The following THSD7B variants were observed in gnomAD, a reference collection of about 807,000 sequenced individuals.
THSD7B encodes thrombospondin type 1 domain containing 7B, also known as thrombospondin type-1 domain-containing protein 7B.
A neutral mutation model predicts 213.6 loss-of-function variants in THSD7B; 138 were observed. The observed-to-expected ratio is 0.65, with a 90% CI of 0.56 to 0.74. The LOEUF is 0.74. Among genes scored for constraint, THSD7B ranks in the 30% least tolerant of loss-of-function variants. The probability of loss-of-function intolerance (pLI) is 0.00; values close to 1 mark genes in which losing one functional copy is unlikely to be tolerated. For synonymous variants in THSD7B, 742 were observed against 687.0 expected, an observed-to-expected ratio of 1.08 and a Z score of -1.25; for missense variants, 1,931 against 1,991.5, an observed-to-expected ratio of 0.97 and a Z score of 0.58.
At chr2:137,161,841 G>A (rs969789564) in intron 6 of THSD7B, among the ~76,000 whole-genome samples, 3 of 152,160 alleles carry the variant, frequency 2.0e-5, no homozygotes, top group Non-Finnish European at 4.4e-5. Context: ...TCTTCAGGGT[G>A]ATTTACATAT....
rs1429277540 is a variant in THSD7B, at chr2:137,546,403, AT to A, written c.3139-16816del. On this transcript the variant is annotated intron_variant, in intron 15 of 27. Coordinates refer to ENST00000409968, the MANE Select transcript of THSD7B (RefSeq NM_001316349.2). The stretch of plus-strand genomic sequence containing the variant: ...TATATATATTATATATATTATATAT[AT>A]TATATATATATTATATATATTATAT... Among the ~76,000 whole-genome samples, 113 of 42,806 alleles carry A rather than the reference AT, an allele frequency of 2.6e-3. 11 individuals carry two copies. The highest frequency in any genetic ancestry group is 8.9e-3 in the Middle Eastern group (1 of 112). 28.1% of individuals were successfully genotyped at this position (42,806 alleles called of 152,430 possible).
intron 5 of THSD7B, among the ~76,000 whole-genome samples, chr2:137,120,454 A>C (rs186684132): frequency 6.6e-6 from 1 of 151,300 alleles, no homozygotes; most frequent in Admixed American, 6.6e-5. Flanking sequence ...GGAGGAGGAA[A>C]GATGAAGGAG....
chr2:137,550,228 A>T (rs1680819466), intron 15 of THSD7B, among the ~76,000 whole-genome samples: 2 of 146,938 alleles, frequency 1.4e-5, no homozygotes, highest in Admixed American at 6.8e-5. Context: ...CAGTCCTGTT[A>T]AAAAAAAAAA....
chr2:137,106,126 C>T lies in THSD7B; in HGVS notation c.1200-8998C>T, dbSNP rs1226964623. 7.2e-5 allele frequency among the ~76,000 whole-genome samples: 11 copies of T among 152,240 alleles called. No homozygotes were observed. The South Asian group carries it at 8.3e-4, about 11-fold the overall frequency. On this transcript the variant is annotated intron_variant, in intron 4 of 27. Coordinates refer to ENST00000409968, the MANE Select transcript of THSD7B (RefSeq NM_001316349.2). ...AAAAGGAACAAAGCTGGAGGAATCA[C>T]GCTACCTGACTTCAAACTATACTAC...
chr2:137,232,712 A>C (rs986766335), intron 8 of THSD7B, among the ~76,000 whole-genome samples, 187 bp from the exon 9 acceptor site: 4 of 152,162 alleles, frequency 2.6e-5, no homozygotes, highest in African/African-American at 9.7e-5. Flanking sequence ...AGGAGTGTAC[A>C]ATATTTTCCT....
intron 2 of THSD7B, among the ~76,000 whole-genome samples, chr2:136,893,057 A>G (rs1683892578): frequency 6.6e-6 from 1 of 152,122 alleles, no homozygotes; most frequent in African/African-American, 2.4e-5. Flanking sequence ...AATTATACCT[A>G]TGTCATGTCT....
At chr2:137,611,655 C>T (rs145724601) in intron 17 of THSD7B, among the ~76,000 whole-genome samples, 18 of 152,102 alleles carry the variant, frequency 1.2e-4, no homozygotes, top group African/African-American at 3.9e-4. Flanking sequence ...AAAAAACAAA[C>T]AAACAAAAAA....
intron 15 of THSD7B, among the ~76,000 whole-genome samples, chr2:137,542,840 G>A (rs1285483019): frequency 6.6e-6 from 1 of 151,740 alleles, no homozygotes; most frequent in Non-Finnish European, 1.5e-5. Context: ...CAATAGAAGT[G>A]AGAGCCTGAA....
intron 7 of THSD7B, among the ~76,000 whole-genome samples, chr2:137,215,200 T>C (rs1681208043): frequency 6.6e-6 from 1 of 152,194 alleles, no homozygotes; most frequent in Non-Finnish European, 1.5e-5. Flanking sequence ...CGAGCTCTTT[T>C]TCATGTTTGT....
rs762143289 is a variant in THSD7B, at chr2:137,152,082, CTT to C, written c.1370-8129_1370-8128del. Among the ~76,000 whole-genome samples the C allele has an allele frequency of 3.4e-5, 5 of 148,934 alleles. No homozygotes were observed. In the Admixed American group the frequency reaches 3.4e-4, roughly 10 times the overall value. On this transcript the variant is annotated intron_variant, in intron 5 of 27. Coordinates refer to ENST00000409968, the MANE Select transcript of THSD7B (RefSeq NM_001316349.2). ...AGAGGAGGGGTGCTTATAGTGAACT[CTT>C]TAAATGTTTTTAGGAATGGTCCTAC...
chr2:136,826,436 G>GTTGA (rs1682647493), intron 1 of THSD7B, among the ~76,000 whole-genome samples: 1 of 152,210 alleles, frequency 6.6e-6, no homozygotes, highest in Non-Finnish European at 1.5e-5. Flanking sequence ...TTGTTCATTT[G>GTTGA]TTGATTGTTG....
chr2:136,978,258 A>G (rs1284038383), intron 2 of THSD7B, among the ~76,000 whole-genome samples: 2 of 152,206 alleles, frequency 1.3e-5, no homozygotes, highest in Non-Finnish European at 1.5e-5. Flanking sequence ...AGAAGAATGT[A>G]TATTCTGTTG....
chr2:137,194,419 A>G (rs921576349), intron 7 of THSD7B, among the ~76,000 whole-genome samples: 2 of 152,238 alleles, frequency 1.3e-5, no homozygotes, highest in Non-Finnish European at 2.9e-5. Context: ...TTAAAAACCC[A>G]CACATGATCT....
intron 12 of THSD7B, among the ~76,000 whole-genome samples, chr2:137,359,468 T>G (rs1685205649): frequency 6.6e-6 from 1 of 152,082 alleles, no homozygotes; most frequent in Non-Finnish European, 1.5e-5. Context: ...GGGGTGCTAG[T>G]GAAGTCCAAC....
rs111309132 is a variant in THSD7B, at chr2:136,841,439, C to CAA, written c.-35-40697_-35-40696dup. Among the ~76,000 whole-genome samples the CAA allele has an allele frequency of 4.0e-5, 6 of 148,798 alleles. No individual in the cohort carries two copies. The East Asian group carries it at 9.8e-4, about 24-fold the overall frequency. On this transcript the variant is annotated intron_variant, in intron 1 of 27. Coordinates refer to ENST00000409968, the MANE Select transcript of THSD7B (RefSeq NM_001316349.2). ...TGAAACTCCATCTCCACTAAAAATA[C>CAA]AAAAAAAAATAGCTGGACATGGTGG... is the stretch of plus-strand genomic sequence containing the variant.
intron 12 of THSD7B, among the ~76,000 whole-genome samples, chr2:137,309,518 T>A (rs1189509141): frequency 1.3e-5 from 2 of 151,542 alleles, no homozygotes; most frequent in African/African-American, 4.8e-5. Context: ...TTTTTATTAT[T>A]ATTATACTTT....
intron 14 of THSD7B, among the ~76,000 whole-genome samples, chr2:137,420,643 G>A: frequency 6.6e-6 from 1 of 152,180 alleles, no homozygotes; most frequent in East Asian, 1.9e-4. Flanking sequence ...ACAGCTGGCA[G>A]AGTGTCAGCA....
Position 137,240,217 on chromosome 2 carries a change from T to A in THSD7B, c.2151-2240T>A, listed in dbSNP as rs908447612. Among the ~76,000 whole-genome samples the A allele has an allele frequency of 1.4e-4, 21 of 152,242 alleles. 1 individual carries two copies. The highest frequency in any genetic ancestry group is 2.0e-4 in the Admixed American group (3 of 15,282). ...CATCCAGTGTCCATCCTCTCTCCTC[T>A]TTCTAGTTCTCATCCTGTACTCTCT... On this transcript the variant is annotated intron_variant, in intron 9 of 27. Coordinates refer to ENST00000409968, the MANE Select transcript of THSD7B (RefSeq NM_001316349.2).
intron 3 of THSD7B, among the ~76,000 whole-genome samples, chr2:137,084,879 T>G (rs1687809323): frequency 6.6e-6 from 1 of 152,184 alleles, no homozygotes; most frequent in African/African-American, 2.4e-5. Context: ...AAATACAAGA[T>G]TATTGGAAGC....
Sources: allele counts gnomAD v4.1 joint callset (sites outside exome capture counted in the v4.1 genomes callset), GRCh38; gene constraint gnomAD v4.1.1; transcripts MANE v1.5; gene names NCBI Gene and HGNC (gene_info 2026-07-23, HGNC 2026-07-21).